The following PTPRT variants were observed in gnomAD, a reference collection of about 807,000 sequenced individuals.
PTPRT encodes protein tyrosine phosphatase receptor type T.
In PTPRT, 56 loss-of-function variants were observed where a neutral mutation model predicts 176.8. The ratio of observed to expected loss-of-function variants is 0.32; its 90% CI spans 0.26 to 0.40. The LOEUF is 0.40. PTPRT is among the 10% of genes least tolerant of loss of function. The pLI, the probability that PTPRT is intolerant of heterozygous loss-of-function variation, is 1.00. For synonymous variants in PTPRT, 783 were observed against 739.0 expected (o/e 1.06, Z -0.96); for missense variants, 1,540 against 1,908.2 (o/e 0.81, Z 3.60).
intron 6 of PTPRT, among the ~76,000 whole-genome samples, chr20:42,738,159 A>G (rs2076564549): frequency 6.6e-6 from 1 of 152,188 alleles, no homozygotes; most frequent in Non-Finnish European, 1.5e-5. Context: ...TTTGAGCCGT[A>G]AAATTATAAA....
At chr20:42,096,917 C>G (rs143180099) in intron 27 of PTPRT, among the ~76,000 whole-genome samples, 213 of 152,148 alleles carry the variant, frequency 1.4e-3, no homozygotes, top group African/African-American at 5.0e-3. Flanking sequence ...CTGTGTTATA[C>G]CACTGTCAAC....
chr20:43,025,277 A>G (rs1490056019), intron 1 of PTPRT, among the ~76,000 whole-genome samples: 2 of 152,270 alleles, frequency 1.3e-5, no homozygotes, highest in African/African-American at 4.8e-5. Context: ...ACACATACAC[A>G]CAAGGTCTCC....
intron 7 of PTPRT, among the ~76,000 whole-genome samples, chr20:42,515,980 C>A (rs868482827): frequency 3.3e-4 from 49 of 148,986 alleles, no homozygotes; most frequent in South Asian, 6.5e-4. Flanking sequence ...TGGAAATCAT[C>A]ATTCTCAGTA....
chr20:42,170,796 A>G (rs1001820236), intron 16 of PTPRT, among the ~76,000 whole-genome samples: 8 of 152,228 alleles, frequency 5.3e-5, no homozygotes, highest in African/African-American at 1.9e-4. Context: ...ACAGAAGCAC[A>G]TTATGTGTCC....
intron 2 of PTPRT, among the ~76,000 whole-genome samples, chr20:42,878,964 G>A (rs572003549): frequency 1.3e-5 from 2 of 152,258 alleles, no homozygotes; most frequent in South Asian, 4.1e-4. Context: ...GGGAGGCGGA[G>A]CTTGCAGTGA....
In PTPRT at chr20:42,490,544, T is replaced by G. The variant is rs530558911; in HGVS notation, c.1154-17982A>C. On this transcript the variant is annotated intron_variant, in intron 7 of 30. Transcript: ENST00000373187. ...TGTACAGACATGCTATTGATTTTTA[T>G]AAGTTAATCTTATATCTGGCAACCT... 3.9e-5 allele frequency among the ~76,000 whole-genome samples: 6 copies of G among 152,296 alleles called. No homozygotes were observed. The East Asian group carries it at 1.2e-3, about 29-fold the overall frequency.
intron 7 of PTPRT, among the ~76,000 whole-genome samples, chr20:42,560,991 G>C (rs2072942959): frequency 6.6e-6 from 1 of 152,102 alleles, no homozygotes; most frequent in Non-Finnish European, 1.5e-5. Context: ...ACTTCCTCCT[G>C]GGGAACAGAA....
intron 9 of PTPRT, among the ~76,000 whole-genome samples, chr20:42,380,751 T>C (rs945730175): frequency 6.6e-6 from 1 of 152,228 alleles, no homozygotes. Flanking sequence ...TTCTAATTCA[T>C]TTTGATATCA....
chr20:42,340,235 G>T (rs1407188051), intron 11 of PTPRT, among the ~76,000 whole-genome samples: 1 of 152,156 alleles, frequency 6.6e-6, no homozygotes, highest in Non-Finnish European at 1.5e-5. Context: ...GATAGTTACT[G>T]TATTGGACAG....
intron 7 of PTPRT, among the ~76,000 whole-genome samples, chr20:42,645,687 G>C (rs914648373): frequency 1.3e-5 from 2 of 151,970 alleles, no homozygotes. Context: ...TCTGGGAATA[G>C]AGGAAAGCCA....
At chr20:42,832,772 T>G (rs1289007594) in intron 2 of PTPRT, among the ~76,000 whole-genome samples, 2 of 131,474 alleles carry the variant, frequency 1.5e-5, no homozygotes, top group East Asian at 4.4e-4. Context: ...TTGGCTTATG[T>G]AATCCAAAAG....
rs564044326 is a variant in PTPRT, at chr20:42,735,531, T to C, written c.859+20931A>G. Among the ~76,000 whole-genome samples the C allele has an allele frequency of 3.1e-4, 47 of 152,330 alleles. 1 individual carries two copies. In the South Asian group the frequency reaches 8.5e-3, roughly 28 times the overall value. On this transcript the variant is annotated intron_variant, in intron 6 of 30. Coordinates refer to ENST00000373187, the MANE Select transcript of PTPRT (RefSeq NM_007050.6). ...TTCTTTAAAAAAAAAAACTCAGTGT[T>C]TATTTTTATTTCTTTTAGGCTGAAG...
chr20:42,219,561 T>C (rs1413900144), intron 15 of PTPRT, among the ~76,000 whole-genome samples: 1 of 152,216 alleles, frequency 6.6e-6, no homozygotes, highest in East Asian at 1.9e-4. Flanking sequence ...AGCCTCTTCC[T>C]CCTTATAACT....
intron 2 of PTPRT, among the ~76,000 whole-genome samples, chr20:42,875,499 G>A (rs1252675046): frequency 6.6e-6 from 1 of 152,172 alleles, no homozygotes; most frequent in African/African-American, 2.4e-5. Context: ...TGTTTTGTAA[G>A]AACTTTTCTC....
chr20:42,072,651 T>A, downstream of PTPRT: 1 of 181,006 alleles, frequency 5.5e-6, no homozygotes, highest in Non-Finnish European at 1.2e-5. Flanking sequence ...ATGTAAGGAT[T>A]AACTTAAATA....
chr20:43,129,352 G>A (rs1192441054), intron 1 of PTPRT, among the ~76,000 whole-genome samples: 4 of 152,208 alleles, frequency 2.6e-5, no homozygotes, highest in African/African-American at 7.2e-5. Flanking sequence ...CGAATTGACA[G>A]GCCCCTCTCC....
intron 1 of PTPRT, among the ~76,000 whole-genome samples, chr20:43,055,308 C>T (rs1049425853): frequency 2.8e-4 from 43 of 152,150 alleles, no homozygotes; most frequent in African/African-American, 9.4e-4. Flanking sequence ...CAGAATGAAG[C>T]CTGATTGGAA....
At position 42,803,191 on chromosome 20, in the gene PTPRT, T is replaced by C. The variant is rs572144987; in HGVS notation, c.215-11725A>G. The stretch of plus-strand genomic sequence containing the variant: ...TCCATGCTGTTGACAACAAGGAACA[T>C]CTCTCTTTGCCAGTGGTTCTCCAAG... On this transcript the variant is annotated intron_variant, in intron 2 of 30. Transcript: ENST00000373187. Among the ~76,000 whole-genome samples, 241 of 152,298 alleles carry C rather than the reference T, an allele frequency of 1.6e-3. 1 individual carries two copies. Among genetic ancestry groups the C allele is most frequent in the Middle Eastern group, 0.01 (3 of 294 alleles).
intron 1 of PTPRT, among the ~76,000 whole-genome samples, chr20:43,066,815 C>T (rs2011116389): frequency 6.6e-6 from 1 of 152,190 alleles, no homozygotes; most frequent in Admixed American, 6.5e-5. Flanking sequence ...CTAACCCACC[C>T]TCTCTTTTCG....
Sources: allele counts gnomAD v4.1 joint callset (sites outside exome capture counted in the v4.1 genomes callset), GRCh38; gene constraint gnomAD v4.1.1; transcripts MANE v1.5; gene names NCBI Gene and HGNC (gene_info 2026-07-23, HGNC 2026-07-21).